RBMS1: variants seen among roughly 807,000 people sequenced by gnomAD.
RBMS1 encodes the protein RNA binding motif single stranded interacting protein 1.
Under a neutral mutation model 62.3 loss-of-function variants are expected in RBMS1, and 17 were observed. The observed-to-expected ratio is 0.27, with a 90% confidence interval of 0.19 to 0.41. The LOEUF (loss-of-function observed/expected upper bound fraction) is 0.41, where lower values mean the gene tolerates loss of function less well. Among genes scored for constraint, RBMS1 ranks in the 10% least tolerant of loss-of-function variants. The probability of loss-of-function intolerance (pLI) is 1.00; values close to 1 mark genes in which losing one functional copy is unlikely to be tolerated. For missense variants in RBMS1, 334 were observed against 504.5 expected, an observed-to-expected ratio of 0.66 and a Z score of 3.24; for synonymous variants, 172 against 170.0, an observed-to-expected ratio of 1.01 and a Z score of -0.09.
chr2:160,392,325 T>C (rs1694906156), intron 1 of RBMS1, among the ~76,000 whole-genome samples: 1 of 152,196 alleles, frequency 6.6e-6, no homozygotes, highest in African/African-American at 2.4e-5. Flanking sequence ...ATTTAAAGTT[T>C]TATTGAAACA....
chr2:160,474,097 A>AT (rs2105348133), intron 1 of RBMS1, among the ~76,000 whole-genome samples: 1 of 152,320 alleles, frequency 6.6e-6, no homozygotes, highest in South Asian at 2.1e-4. Flanking sequence ...ACTCAATTAA[A>AT]TGAACAAAGG....
chr2:160,346,508 A>G (rs913196258), intron 2 of RBMS1, among the ~76,000 whole-genome samples: 1 of 152,188 alleles, frequency 6.6e-6, no homozygotes, highest in African/African-American at 2.4e-5. Flanking sequence ...AATCCATTTA[A>G]AAAGTGAACC....
At position 160,274,309 on chromosome 2, in the gene RBMS1, C is replaced by T. The variant is rs1273016013; in HGVS notation, c.*463G>A. 1 of 152,066 alleles carries T rather than the reference C, an allele frequency of 6.6e-6. No homozygotes were observed. The highest frequency in any genetic ancestry group is 1.5e-5 in the Non-Finnish European group (1 of 67,938). The allele number at this position is 152,066 out of a possible 1,614,324, so 9.4% of individuals were successfully genotyped here. A position where few individuals can be genotyped will look rare whatever the true frequency, so the allele number is the denominator to read the frequency against. ...ACAGAACACCATGGGTGAAGTCGGA[C>T]TATTTAAACTTCAGAAAGCCCATTT... On this transcript the variant is annotated 3_prime_UTR_variant, in exon 14 of 14. Transcript: ENST00000348849.
intron 1 of RBMS1, among the ~76,000 whole-genome samples, chr2:160,456,535 C>G (rs1039158525): frequency 6.6e-6 from 1 of 152,174 alleles, no homozygotes; most frequent in African/African-American, 2.4e-5. Context: ...CTTCTAAACA[C>G]AATACCTTGA....
intron 2 of RBMS1, among the ~76,000 whole-genome samples, chr2:160,341,080 AT>A (rs1487839634): frequency 6.6e-6 from 1 of 152,194 alleles, no homozygotes; most frequent in Non-Finnish European, 1.5e-5. Context: ...GCTTAAAAAA[AT>A]ATATGTTTGA....
chr2:160,483,195 A>G lies in RBMS1; in HGVS notation c.75+10094T>C, dbSNP rs544069297. On this transcript the variant is annotated intron_variant, in intron 1 of 13. Transcript: ENST00000348849. ...CTTTTTTTAGGTTTTTGCCAATTGA[A>G]AAAACACAACTTTTTTGTGATTATT... Among the ~76,000 whole-genome samples, 8 of 152,316 alleles carry G rather than the reference A, an allele frequency of 5.3e-5. No individual in the cohort carries two copies. In the East Asian group the frequency reaches 1.5e-3, roughly 29 times the overall value.
In RBMS1 at chr2:160,394,098, G is replaced by A. The variant is rs937815335; in HGVS notation, c.76-26707C>T. Reference sequence around the variant, plus strand: ...CCAGAAACAGTTGGTGAGGGAGACCGACAGACTTCCACCCACTTTTCGTTG... The same window carrying A: ...CCAGAAACAGTTGGTGAGGGAGACCAACAGACTTCCACCCACTTTTCGTTG... On this transcript the variant is annotated intron_variant, in intron 1 of 13. Coordinates refer to ENST00000348849, the MANE Select transcript of RBMS1 (RefSeq NM_016836.4). Among the ~76,000 whole-genome samples the A allele has an allele frequency of 8.5e-5, 13 of 152,314 alleles. 1 individual carries two copies. The East Asian group carries it at 2.5e-3, about 29-fold the overall frequency.
chr2:160,346,871 T>G (rs1261412576), intron 2 of RBMS1, among the ~76,000 whole-genome samples: 1 of 152,152 alleles, frequency 6.6e-6, no homozygotes, highest in Non-Finnish European at 1.5e-5. Context: ...TATTTTTCAT[T>G]TGGATTCCCT....
chr2:160,349,101 T>C (rs1001477852), intron 2 of RBMS1, among the ~76,000 whole-genome samples: 2 of 152,106 alleles, frequency 1.3e-5, no homozygotes, highest in African/African-American at 2.4e-5. Flanking sequence ...TCTGATGAGT[T>C]ACTAGTGGTT....
At chr2:160,309,274 G>A (rs1010188220) in intron 4 of RBMS1, among the ~76,000 whole-genome samples, 2 of 152,276 alleles carry the variant, frequency 1.3e-5, no homozygotes, top group Non-Finnish European at 2.9e-5. Flanking sequence ...CATCAGTCAA[G>A]CAAGAGAGGG....
intron 9 of RBMS1, chr2:160,282,129 T>C (rs1688132410): frequency 1.2e-6 from 1 of 852,036 alleles, no homozygotes; most frequent in Admixed American, 2.2e-5. Flanking sequence ...TAAGTAATTT[T>C]ATTAAGTTTC....
Position 160,493,420 on chromosome 2 carries a change from T to G in RBMS1, c.-57A>C. On this transcript the variant is annotated 5_prime_UTR_variant, in exon 1 of 14. Transcript: ENST00000348849. ...GCGGACACTTTGGGGTTTCCAAGTCTCGGGCTCTCCTGCCTCTCCCTTTCC... is the reference window on the plus strand; with the variant it reads ...GCGGACACTTTGGGGTTTCCAAGTCGCGGGCTCTCCTGCCTCTCCCTTTCC... 6.4e-7 allele frequency: 1 copy of G among 1,553,752 alleles called. No homozygotes were observed. Among genetic ancestry groups the G allele is most frequent in the East Asian group, 2.3e-5 (1 of 44,372 alleles).
intron 1 of RBMS1, chr2:160,401,889 T>A (rs1695440958): frequency 6.6e-6 from 1 of 152,192 alleles, no homozygotes; most frequent in African/African-American, 2.4e-5. Context: ...TATGGTGGGA[T>A]CCACTTTTCT....
intron 2 of RBMS1, among the ~76,000 whole-genome samples, chr2:160,321,628 C>A (rs1690565521): frequency 1.3e-5 from 2 of 152,078 alleles, no homozygotes; most frequent in South Asian, 4.1e-4. Flanking sequence ...CTTTCTAAAT[C>A]TCATCTTCAA....
At chr2:160,464,154 A>G (rs1028954868) in intron 1 of RBMS1, among the ~76,000 whole-genome samples, 2 of 152,124 alleles carry the variant, frequency 1.3e-5, no homozygotes, top group Non-Finnish European at 2.9e-5. Flanking sequence ...TTGCAGACAC[A>G]TGTCTCAGAG....
At chr2:160,476,647 C>T (rs945809888) in intron 1 of RBMS1, among the ~76,000 whole-genome samples, 14 of 149,446 alleles carry the variant, frequency 9.4e-5, no homozygotes, top group African/African-American at 2.5e-4. Context: ...CTCCGCCTCC[C>T]GGGTTCACGC....
chr2:160,452,535 T>C (rs184434939), intron 1 of RBMS1, among the ~76,000 whole-genome samples: 2 of 152,368 alleles, frequency 1.3e-5, no homozygotes, highest in East Asian at 3.9e-4. Context: ...TTGTTATTCA[T>C]TGTTTATTTT....
chr2:160,313,185 C>A lies in RBMS1; in HGVS notation c.373G>T (p.Ala125Ser). ...GCCATTTGAGCTTGAACCCCACTGGCCTTCAGGGCAGACACAGCTTTTTGA... is the reference window on the plus strand; with the variant it reads ...GCCATTTGAGCTTGAACCCCACTGGACTTCAGGGCAGACACAGCTTTTTGA... ...AAQKAVSALK[A>S]SGVQAQMAKQ... The change falls in exon 4 of 14, where the codon GCC becomes TCC. Residue 125 changes from alanine (A) to serine (S), a missense_variant. Ala to Ser is a moderately conservative substitution (Grantham distance 99, BLOSUM62 1). This residue lies in a region of RBMS1 where 150 missense variants were observed against 228.0 expected (regional missense o/e 0.66). Transcript: ENST00000348849. 1 of 1,613,646 alleles carries A rather than the reference C, an allele frequency of 6.2e-7. No homozygotes were observed. Among genetic ancestry groups the A allele is most frequent in the Non-Finnish European group, 8.5e-7 (1 of 1,179,642 alleles).
At chr2:160,458,746 G>A (rs1024451201) in intron 1 of RBMS1, among the ~76,000 whole-genome samples, 11 of 150,660 alleles carry the variant, frequency 7.3e-5, no homozygotes, top group Admixed American at 1.3e-4. Flanking sequence ...GCAGTGAGCC[G>A]AGATCGTGCC....
Sources: allele counts gnomAD v4.1 joint callset (sites outside exome capture counted in the v4.1 genomes callset), GRCh38; gene constraint gnomAD v4.1.1; regional missense constraint gnomAD v4.1.1; transcripts MANE v1.5; gene names NCBI Gene and HGNC (gene_info 2026-07-23, HGNC 2026-07-21).